Variants in RNF122 observed in about 807,000 individuals in gnomAD.
RNF122 encodes the protein ring finger protein 122.
A neutral mutation model predicts 24.2 loss-of-function variants in RNF122; 17 were observed. The observed-to-expected ratio is 0.70, with a 90% CI of 0.48 to 1.06. RNF122 has a LOEUF of 1.06. Ranked by LOEUF, RNF122 falls within the 50% of genes least tolerant of loss-of-function variation. RNF122 has a pLI of 0.00. For synonymous variants in RNF122, 65 were observed against 71.8 expected (o/e 0.91, Z 0.48); for missense variants, 168 against 198.1 (o/e 0.85, Z 0.91).
intron 2 of RNF122, among the ~76,000 whole-genome samples, chr8:33,557,800 GT>G: frequency 3.9e-5 from 1 of 25,596 alleles, no homozygotes; most frequent in Non-Finnish European, 7.5e-5. Flanking sequence ...TTTTAGGTTT[GT>G]TTTGGTTTTT....
intron 1 of RNF122, among the ~76,000 whole-genome samples, chr8:33,564,511 C>T (rs1284741389): frequency 1.3e-5 from 2 of 152,032 alleles, no homozygotes; most frequent in African/African-American, 2.4e-5. Flanking sequence ...AGTTGGAGGC[C>T]GCAGTGAGCC....
chr8:33,557,498 T>G (rs1810473211), intron 2 of RNF122, among the ~76,000 whole-genome samples: 1 of 151,798 alleles, frequency 6.6e-6, no homozygotes, highest in South Asian at 2.1e-4. Flanking sequence ...TAGCTAGGCA[T>G]GCACCCATAA....
intron 2 of RNF122, 93 bp from the exon 3 acceptor site, chr8:33,551,482 G>C: frequency 7.8e-7 from 1 of 1,277,588 alleles, no homozygotes; most frequent in Admixed American, 1.7e-5. Flanking sequence ...TTCTTCCGAG[G>C]GCAGGGAGGG....
chr8:33,566,951 A>ACAGCCGCACGGAGCG lies in RNF122; in HGVS notation c.-243_-229dup. The ACAGCCGCACGGAGCG allele has an allele frequency of 1.8e-6, 1 of 564,036 alleles. No homozygotes were observed. The highest frequency in any genetic ancestry group is 3.2e-5 in the East Asian group (1 of 31,680). 34.9% of individuals were successfully genotyped at this position (564,036 alleles called of 1,614,324 possible). A position where few individuals can be genotyped will look rare whatever the true frequency, so the allele number is the denominator to read the frequency against. On this transcript the variant is annotated 5_prime_UTR_variant, in exon 1 of 6. Transcript: ENST00000256257. ...GGAAACAAACAAAGTCCCGCGGAGC[A>ACAGCCGCACGGAGCG]CAGCCGCACGGAGCGCACGCGCCAA...
Position 33,566,685 on chromosome 8 carries a change from C to A in RNF122, c.25+14G>T. ...CAGCCCCACGTAGGCTCGGCCCTCG[C>A]CCCGGGGACTCACCGTTACACCACT... On this transcript the variant is annotated intron_variant, in intron 1 of 5. Transcript: ENST00000256257. 1 of 1,599,452 alleles carries A rather than the reference C, an allele frequency of 6.3e-7. No individual in the cohort carries two copies. Among genetic ancestry groups the A allele is most frequent in the Non-Finnish European group, 8.5e-7 (1 of 1,174,298 alleles).
rs114018657 is a variant in RNF122, at chr8:33,567,103, G to T, written c.-380C>A. The stretch of plus-strand genomic sequence containing the variant: ...GGATCGGGTTCAGCGGCGCAGAGGT[G>T]AGCTGGCTGGGGTTCCGAAACTGAC... On this transcript the variant is annotated 5_prime_UTR_variant, in exon 1 of 6. Coordinates refer to ENST00000256257, the MANE Select transcript of RNF122 (RefSeq NM_024787.3). The T allele has an allele frequency of 0.027, 8,096 of 294,706 alleles. 671 individuals carry two copies. Among genetic ancestry groups the T allele is most frequent in the African/African-American group, 0.17 (7,431 of 43,034 alleles). 18.3% of individuals were successfully genotyped at this position (294,706 alleles called of 1,614,324 possible). A position where few individuals can be genotyped will look rare whatever the true frequency, so the allele number is the denominator to read the frequency against.
rs929125683 is a variant in RNF122 at position 33,558,721 on chromosome 8, G to A, written c.76C>T (p.Pro26Ser). ...GGAAGGTCCTGGAAACTGATGGGTG[G>A]CATCGAGCAGGACTTGTTGGTGCTA... Reference protein sequence around the residue: ...LVSTNKSCSMPPISFQDLPLN... With the variant: ...LVSTNKSCSMSPISFQDLPLN... The change falls in exon 2 of 6, where the codon CCA becomes TCA. Residue 26 changes from proline (P) to serine (S), a missense_variant. Physicochemically the swap from Pro to Ser is moderately conservative, Grantham distance 74. Transcript: ENST00000256257. 6.2e-7 allele frequency: 1 copy of A among 1,611,040 alleles called. No homozygotes were observed. Among genetic ancestry groups the A allele is most frequent in the Admixed American group, 1.7e-5 (1 of 59,938 alleles).
rs1336849740 is a variant in RNF122, at chr8:33,566,786, G to C, written c.-63C>G. The stretch of plus-strand genomic sequence containing the variant: ...GCAGGCGGGGTGCCAGGAGGGCGGG[G>C]TGGGAGCACTAGCGGCGTGAGGGGC... On this transcript the variant is annotated 5_prime_UTR_variant, in exon 1 of 6. Coordinates refer to ENST00000256257, the MANE Select transcript of RNF122 (RefSeq NM_024787.3). 1 of 1,569,398 alleles carries C rather than the reference G, an allele frequency of 6.4e-7. No individual in the cohort carries two copies. The highest frequency in any genetic ancestry group is 1.3e-5 in the African/African-American group (1 of 74,372).
chr8:33,554,705 C>G (rs1292495485), intron 2 of RNF122, among the ~76,000 whole-genome samples: 6 of 152,226 alleles, frequency 3.9e-5, no homozygotes, highest in Non-Finnish European at 7.3e-5. Flanking sequence ...TTCAATGAGA[C>G]CATTTCTAGC....
chr8:33,550,147 G>T (rs1400499559), intron 4 of RNF122, among the ~76,000 whole-genome samples: 3 of 152,064 alleles, frequency 2.0e-5, no homozygotes, highest in Non-Finnish European at 4.4e-5. Context: ...TGGTCAGGCT[G>T]GTCTCGAACT....
intron 2 of RNF122, among the ~76,000 whole-genome samples, chr8:33,557,806 G>GTTTTGT (rs1554532510): frequency 6.6e-6 from 1 of 151,828 alleles, no homozygotes; most frequent in South Asian, 2.1e-4. Flanking sequence ...GTTTGTTTTG[G>GTTTTGT]TTTTTTCCAC....
At chr8:33,551,535 G>T in intron 2 of RNF122, 146 bp from the exon 3 acceptor site, 1 of 777,260 alleles carries the variant, frequency 1.3e-6, no homozygotes, top group Non-Finnish European at 2.2e-6. Context: ...TTGGACCTAT[G>T]CAAGCCAACA....
At position 33,558,694 on chromosome 8, in the gene RNF122, G is replaced by A. The variant is rs146246424; in HGVS notation, c.103C>T (p.Leu35Phe). The change falls in exon 2 of 6, where the codon CTC becomes TTC. Residue 35 changes from leucine to phenylalanine, a missense_variant. By Grantham distance (22) the Leu-to-Phe change is conservative (BLOSUM62 0). Transcript: ENST00000256257. Reference protein sequence around the residue: ...MPPISFQDLPLNIYMVIFGTG... With the variant: ...MPPISFQDLPFNIYMVIFGTG... ...CCGAAGATGACCATATAGATGTTGA[G>A]CGGAAGGTCCTGGAAACTGATGGGT... 7 of 1,612,566 alleles carry A rather than the reference G, an allele frequency of 4.3e-6. No homozygotes were observed. The highest frequency in any genetic ancestry group is 5.9e-6 in the Non-Finnish European group (7 of 1,178,992).
At chr8:33,554,671 C>A (rs960382760) in intron 2 of RNF122, among the ~76,000 whole-genome samples, 1 of 152,244 alleles carries the variant, frequency 6.6e-6, no homozygotes, top group Non-Finnish European at 1.5e-5. Context: ...GTTGGGTGAA[C>A]ACAGCAACTA....
chr8:33,554,449 G>GT (rs1268813573), intron 2 of RNF122, among the ~76,000 whole-genome samples: 2 of 152,120 alleles, frequency 1.3e-5, no homozygotes, highest in African/African-American at 4.8e-5. Flanking sequence ...TCCTTTAGTG[G>GT]TTTTGCCCAG....
intron 2 of RNF122, among the ~76,000 whole-genome samples, chr8:33,556,773 G>A (rs935074761): frequency 1.3e-5 from 2 of 152,166 alleles, no homozygotes; most frequent in African/African-American, 2.4e-5. Flanking sequence ...GTACAAGAGG[G>A]AAGATAAACC....
intron 1 of RNF122, among the ~76,000 whole-genome samples, chr8:33,565,840 G>A (rs1384119206): frequency 7.9e-5 from 12 of 152,102 alleles, no homozygotes; most frequent in Non-Finnish European, 7.4e-5. Context: ...TCTCTGCGAG[G>A]GTTTATCAAC....
chr8:33,548,743 G>A lies in RNF122; in HGVS notation c.*10C>T. The A allele has an allele frequency of 1.3e-5, 20 of 1,557,024 alleles. No individual in the cohort carries two copies. Among genetic ancestry groups the A allele is most frequent in the Non-Finnish European group, 1.8e-5 (20 of 1,128,084 alleles). ...GAGGTCTTCTCCAGGTCTCGGTGTAGCGGCAGCACTCACACCAGCTCATCC... is the reference window on the plus strand; with the variant it reads ...GAGGTCTTCTCCAGGTCTCGGTGTAACGGCAGCACTCACACCAGCTCATCC... On this transcript the variant is annotated 3_prime_UTR_variant, in exon 6 of 6. Coordinates refer to ENST00000256257, the MANE Select transcript of RNF122 (RefSeq NM_024787.3).
intron 1 of RNF122, among the ~76,000 whole-genome samples, chr8:33,558,980 C>T (rs187590889): frequency 6.0e-4 from 92 of 152,236 alleles, no homozygotes; most frequent in African/African-American, 2.0e-3. Context: ...ATCCAAAATA[C>T]TTAAAACAAT....
Sources: gnomAD v4.1 joint callset for allele counts (sites outside exome capture counted in the v4.1 genomes callset) on GRCh38, gnomAD v4.1.1 for gene constraint, MANE v1.5 for transcripts, NCBI Gene and HGNC (gene_info 2026-07-23, HGNC 2026-07-21) for gene names.